CCDC73: variants seen among roughly 807,000 people sequenced by gnomAD.
The protein encoded by CCDC73 is coiled-coil domain-containing protein 73.
CCDC73 carries 95 observed loss-of-function variants against 116.5 expected under a neutral mutation model. The observed-to-expected ratio is 0.82, with a 90% CI of 0.69 to 0.97. The LOEUF (loss-of-function observed/expected upper bound fraction) is 0.97. Ranked by LOEUF, CCDC73 falls within the 50% of genes least tolerant of loss-of-function variation. The pLI is 0.00. For missense variants in CCDC73, 1,066 were observed against 1,206.8 expected (o/e 0.88, Z 1.73); for synonymous variants, 398 against 401.3 (o/e 0.99, Z 0.10).
At chr11:32,617,473 C>T (rs962167406) in intron 14 of CCDC73, among the ~76,000 whole-genome samples, 2 of 152,084 alleles carry the variant, frequency 1.3e-5, no homozygotes, top group African/African-American at 2.4e-5. Flanking sequence ...TTCCATGAAC[C>T]ACTGATAAGT....
chr11:32,624,738 G>A (rs1347953633), intron 14 of CCDC73, among the ~76,000 whole-genome samples: 3 of 152,254 alleles, frequency 2.0e-5, no homozygotes, highest in East Asian at 3.9e-4. Context: ...TGTTTGTTGT[G>A]GCACTATTCA....
At chr11:32,617,403 T>A (rs921073641) in intron 14 of CCDC73, among the ~76,000 whole-genome samples, 17 of 152,188 alleles carry the variant, frequency 1.1e-4, no homozygotes, top group African/African-American at 3.9e-4. Context: ...CACTCTAATG[T>A]TTTCTATGCT....
chr11:32,615,728 T>C (rs1358107961), intron 15 of CCDC73: 3 of 406,616 alleles, frequency 7.4e-6, no homozygotes, highest in African/African-American at 2.1e-5. Context: ...AGAAAGGTTA[T>C]CTGAATTAAG....
chr11:32,673,621 A>C (rs547973158), intron 9 of CCDC73, among the ~76,000 whole-genome samples: 1 of 152,298 alleles, frequency 6.6e-6, no homozygotes, highest in Admixed American at 6.5e-5. Context: ...TTTGACTGTG[A>C]AACAACTTTC....
At chr11:32,638,541 C>T (rs889295649) in intron 13 of CCDC73, among the ~76,000 whole-genome samples, 2 of 151,990 alleles carry the variant, frequency 1.3e-5, no homozygotes, top group Non-Finnish European at 2.9e-5. Context: ...AGCACAGTGG[C>T]GATCTTGGCT....
intron 6 of CCDC73, among the ~76,000 whole-genome samples, chr11:32,687,043 G>A (rs535078969): frequency 9.9e-5 from 15 of 152,170 alleles, no homozygotes; most frequent in South Asian, 2.1e-4. Flanking sequence ...AAAGCACACC[G>A]CTTTAGAGAA....
At chr11:32,813,562 A>G in the CCDC73 span, among the ~76,000 whole-genome samples, 1 of 152,216 alleles carries the variant, frequency 6.6e-6, no homozygotes, top group Non-Finnish European at 1.5e-5. Context: ...TTTGGCCTAC[A>G]TGAAGTCTTT....
chr11:32,792,263 AT>A (rs924334676), intron 1 of CCDC73, among the ~76,000 whole-genome samples: 15 of 149,864 alleles, frequency 1.0e-4, no homozygotes, highest in African/African-American at 3.2e-4. Flanking sequence ...CTTGACCAGA[AT>A]TTTTTTTTTA....
the CCDC73 span, among the ~76,000 whole-genome samples, chr11:32,810,459 C>T: frequency 6.6e-6 from 1 of 152,176 alleles, no homozygotes; most frequent in Non-Finnish European, 1.5e-5. Context: ...TACCCAAAGT[C>T]ACACGATTAA....
the CCDC73 span, among the ~76,000 whole-genome samples, chr11:32,810,703 T>C: frequency 6.6e-6 from 1 of 152,196 alleles, no homozygotes; most frequent in Admixed American, 6.5e-5. Flanking sequence ...AGAGCCACTA[T>C]CTTAGCAATG....
intron 1 of CCDC73, among the ~76,000 whole-genome samples, chr11:32,787,874 C>T (rs1223262454): frequency 1.3e-5 from 2 of 152,162 alleles, no homozygotes; most frequent in African/African-American, 4.8e-5. Flanking sequence ...ATCCTTAACT[C>T]CATCAGGACC....
chr11:32,614,197 G>A lies in CCDC73; in HGVS notation c.2121C>T (p.Asp707=). The A allele has an allele frequency of 6.2e-7, 1 of 1,613,846 alleles. No homozygotes were observed. The highest frequency in any genetic ancestry group is 8.5e-7 in the Non-Finnish European group (1 of 1,179,854). ...TAAAAGCAGCATATGAAACATGGTGGTCGATTACTATATCACAGGGAACAG... is the reference window on the plus strand; with the variant it reads ...TAAAAGCAGCATATGAAACATGGTGATCGATTACTATATCACAGGGAACAG... ...ELTVPCDIVI[D]HHVSYAAFSA... is the part of the protein sequence containing the mutation. Residue 707 remains aspartate, a synonymous_variant, in exon 16 of 18, where the codon GAC becomes GAT. Transcript: ENST00000335185.
chr11:32,721,342 A>G lies in CCDC73; in HGVS notation c.136-3195T>C, dbSNP rs146844382. ...ACTTGGCCCATGATATTCATTTTAA[A>G]TATCAGGAGGAAGTATACTGATGTC... is the stretch of plus-strand genomic sequence containing the variant. On this transcript the variant is annotated intron_variant, in intron 2 of 17. Coordinates refer to ENST00000335185, the MANE Select transcript of CCDC73 (RefSeq NM_001008391.4). Among the ~76,000 whole-genome samples the G allele has an allele frequency of 2.6e-5, 4 of 152,252 alleles. No individual in the cohort carries two copies. In the East Asian group the frequency reaches 5.8e-4, roughly 22 times the overall value.
upstream of CCDC73, among the ~76,000 whole-genome samples, chr11:32,797,049 A>T (rs547851182): frequency 2.0e-5 from 3 of 151,058 alleles, no homozygotes; most frequent in East Asian, 2.0e-4. Context: ...CAACTTAAAA[A>T]GTTAAAGGAC....
chr11:32,760,590 C>T (rs1850383392), intron 1 of CCDC73, among the ~76,000 whole-genome samples: 1 of 152,188 alleles, frequency 6.6e-6, no homozygotes, highest in Admixed American at 6.5e-5. Context: ...CATTCTGCTT[C>T]CTAAACTTTG....
In CCDC73 at chr11:32,659,839, T is replaced by G. The variant is rs1006935368; in HGVS notation, c.646-4867A>C. ...TGTCTCCACTTTCCATTCTTGGGCC[T>G]CTTCCTTAGACTATTAACAAGAGGC... On this transcript the variant is annotated intron_variant, in intron 9 of 17. Coordinates refer to ENST00000335185, the MANE Select transcript of CCDC73 (RefSeq NM_001008391.4). 3.3e-5 allele frequency among the ~76,000 whole-genome samples: 5 copies of G among 152,312 alleles called. 1 individual carries two copies. Among genetic ancestry groups the G allele is most frequent in the African/African-American group, 1.2e-4 (5 of 41,582 alleles).
rs1370064416 is a variant in CCDC73, at chr11:32,699,289, C to A, written c.352G>T (p.Glu118Ter). The change falls in exon 6 of 18, where the codon GAA (glutamate) becomes TAA (stop). Residue 118 changes from glutamate (E) to a stop codon, truncating the protein, a stop_gained. Transcript: ENST00000335185. LOFTEE classifies it high-confidence loss of function. Reference protein sequence around the residue: ...YQLATEIKEKEIEGLKETLKA... With the variant: ...YQLATEIKEK ...AATGTTTCCTTCAATCCTTCTATTTCTTTTTCCTTTATTTCTGTAGCAAGT... is the reference window on the plus strand; with the variant it reads ...AATGTTTCCTTCAATCCTTCTATTTATTTTTCCTTTATTTCTGTAGCAAGT... 1 of 1,579,696 alleles carries A rather than the reference C, an allele frequency of 6.3e-7. No individual in the cohort carries two copies. The highest frequency in any genetic ancestry group is 8.6e-7 in the Non-Finnish European group (1 of 1,159,222).
chr11:32,760,138 C>G lies in CCDC73; in HGVS notation c.106G>C (p.Glu36Gln). ...QLLDFKTSLLEALEELRMRRE... is the reference protein window; with the variant it reads ...QLLDFKTSLLQALEELRMRRE... The stretch of plus-strand genomic sequence containing the variant: ...CTCATACGCAATTCTTCTAATGCCT[C>G]CAGTAAACTTGTTTTGAAATCTAAT... Residue 36 changes from glutamate to glutamine, a missense_variant, in exon 2 of 18, where the codon GAG (glutamate) becomes CAG (glutamine). Physicochemically the swap from Glu to Gln is conservative, Grantham distance 29. Coordinates refer to ENST00000335185, the MANE Select transcript of CCDC73 (RefSeq NM_001008391.4). 6.2e-7 allele frequency: 1 copy of G among 1,604,908 alleles called. No individual in the cohort carries two copies.
chr11:32,767,509 G>T (rs1321563738), intron 1 of CCDC73, among the ~76,000 whole-genome samples: 1 of 152,106 alleles, frequency 6.6e-6, no homozygotes, highest in Admixed American at 6.5e-5. Context: ...CACAGCAAAA[G>T]AAACTACCAT....
Sources: gnomAD v4.1 joint callset for allele counts (sites outside exome capture counted in the v4.1 genomes callset) on GRCh38, gnomAD v4.1.1 for gene constraint, MANE v1.5 for transcripts, NCBI Gene and HGNC (gene_info 2026-07-23, HGNC 2026-07-21) for gene names.